The following ITGBL1 variants were observed in gnomAD, a reference collection of about 807,000 sequenced individuals.
ITGBL1 encodes integrin beta-like protein 1.
Under a neutral mutation model 68.5 loss-of-function variants are expected in ITGBL1, and 51 were observed. That is an observed-to-expected ratio of 0.74 (90% CI 0.59 to 0.94). The LOEUF is 0.94. Ranked by LOEUF, ITGBL1 falls within the 40% of genes least tolerant of loss-of-function variation. The probability of loss-of-function intolerance (pLI) is 0.00; values close to 1 mark genes in which losing one functional copy is unlikely to be tolerated. For missense variants in ITGBL1, 649 were observed against 647.4 expected (o/e 1.00, Z -0.03); for synonymous variants, 209 against 227.3 (o/e 0.92, Z 0.72).
chr13:101,660,447 A>G (rs1346097118), intron 7 of ITGBL1, among the ~76,000 whole-genome samples: 1 of 152,140 alleles, frequency 6.6e-6, no homozygotes, highest in Non-Finnish European at 1.5e-5. Flanking sequence ...ACATCTCAAA[A>G]GGCTAGTCTC....
chr13:101,519,026 C>G (rs1429820466), intron 2 of ITGBL1, among the ~76,000 whole-genome samples: 3 of 152,104 alleles, frequency 2.0e-5, no homozygotes, highest in African/African-American at 7.2e-5. Flanking sequence ...TACATGCACA[C>G]CCACATGCAG....
intron 2 of ITGBL1, among the ~76,000 whole-genome samples, chr13:101,512,926 G>A (rs9585720): frequency 0.022 from 3,346 of 152,164 alleles, 126 homozygotes; most frequent in African/African-American, 0.076. Flanking sequence ...CATTTGTGTG[G>A]CAGGAAATTC....
intron 2 of ITGBL1, among the ~76,000 whole-genome samples, chr13:101,494,534 T>C (rs144784713): frequency 3.2e-3 from 480 of 152,306 alleles, no homozygotes; most frequent in African/African-American, 0.011. Flanking sequence ...AGCTCTAACT[T>C]CAGTGACAAT....
intron 2 of ITGBL1, among the ~76,000 whole-genome samples, chr13:101,536,158 CCTTTT>C (rs2049572303): frequency 6.6e-6 from 1 of 151,664 alleles, no homozygotes; most frequent in South Asian, 2.1e-4. Flanking sequence ...TTAGAATGGC[CCTTTT>C]CTTTTAAAAG....
At chr13:101,499,908 C>A (rs2048914286) in intron 2 of ITGBL1, among the ~76,000 whole-genome samples, 1 of 152,224 alleles carries the variant, frequency 6.6e-6, no homozygotes, top group Non-Finnish European at 1.5e-5. Context: ...GCGTCAGCCT[C>A]CTTCCACTGG....
At chr13:101,520,126 G>A (rs1243388446) in intron 2 of ITGBL1, among the ~76,000 whole-genome samples, 1 of 152,130 alleles carries the variant, frequency 6.6e-6, no homozygotes, top group Non-Finnish European at 1.5e-5. Context: ...TTGTACTCAA[G>A]TTCCTGTCTT....
At chr13:101,654,791 C>T (rs2032866498) in intron 7 of ITGBL1, among the ~76,000 whole-genome samples, 1 of 152,010 alleles carries the variant, frequency 6.6e-6, no homozygotes, top group Admixed American at 6.6e-5. Context: ...TGCAACCACC[C>T]AGGGAGAAAG....
intron 7 of ITGBL1, among the ~76,000 whole-genome samples, chr13:101,661,090 A>G (rs1233384976): frequency 1.3e-5 from 2 of 151,734 alleles, no homozygotes; most frequent in Non-Finnish European, 2.9e-5. Context: ...ATTAGGAATT[A>G]ACGGATATAC....
intron 7 of ITGBL1, among the ~76,000 whole-genome samples, chr13:101,658,259 A>G (rs2032986532): frequency 6.6e-6 from 1 of 152,204 alleles, no homozygotes; most frequent in Non-Finnish European, 1.5e-5. Flanking sequence ...ATCATTTTCA[A>G]ATTGTTCCTA....
At chr13:101,704,722 G>A (rs1189762290) in intron 8 of ITGBL1, among the ~76,000 whole-genome samples, 1 of 152,200 alleles carries the variant, frequency 6.6e-6, no homozygotes, top group East Asian at 1.9e-4. Context: ...ACATTGGGAA[G>A]AGTGTAGACA....
chr13:101,634,142 CA>C (rs1487755893), intron 7 of ITGBL1, among the ~76,000 whole-genome samples: 1 of 152,130 alleles, frequency 6.6e-6, no homozygotes, highest in Non-Finnish European at 1.5e-5. Context: ...TTGGCTTTCT[CA>C]TTCAAATTCA....
chr13:101,718,189 A>C (rs1209354431), downstream of ITGBL1: 1 of 152,074 alleles, frequency 6.6e-6, no homozygotes, highest in South Asian at 2.1e-4. Context: ...GAAAACAGAA[A>C]TATTTTTACT....
chr13:101,479,967 A>G (rs897411634), intron 2 of ITGBL1, among the ~76,000 whole-genome samples: 1 of 152,144 alleles, frequency 6.6e-6, no homozygotes, highest in Non-Finnish European at 1.5e-5. Flanking sequence ...ACTGCTGGAT[A>G]CATACCGAAA....
At chr13:101,529,999 C>T (rs143224407) in intron 2 of ITGBL1, among the ~76,000 whole-genome samples, 12 of 152,180 alleles carry the variant, frequency 7.9e-5, no homozygotes, top group Admixed American at 5.2e-4. Context: ...GTATAAAAGG[C>T]GTAGACAAAC....
intron 2 of ITGBL1, among the ~76,000 whole-genome samples, chr13:101,513,524 C>T (rs1459907882): frequency 6.6e-6 from 1 of 151,832 alleles, no homozygotes; most frequent in East Asian, 1.9e-4. Context: ...AGACAAAATA[C>T]CAAAAATTTT....
chr13:101,690,313 T>G (rs2033854801), intron 7 of ITGBL1, among the ~76,000 whole-genome samples: 2 of 152,324 alleles, frequency 1.3e-5, no homozygotes, highest in South Asian at 4.1e-4. Context: ...TTAGTTCATC[T>G]TTTCTGAAGA....
intron 7 of ITGBL1, among the ~76,000 whole-genome samples, chr13:101,626,353 A>AT (rs1340167299): frequency 2.0e-5 from 3 of 152,220 alleles, no homozygotes; most frequent in African/African-American, 7.2e-5. Flanking sequence ...ACAGAAAAGA[A>AT]TGAGTTTTGT....
intron 2 of ITGBL1, among the ~76,000 whole-genome samples, chr13:101,520,899 TG>T (rs1289394581): frequency 6.6e-6 from 1 of 152,124 alleles, no homozygotes; most frequent in Non-Finnish European, 1.5e-5. Context: ...GAGAAGGAAG[TG>T]GTAATGAGTC....
chr13:101,632,510 T>A (rs1222114219), intron 7 of ITGBL1, among the ~76,000 whole-genome samples: 2 of 152,218 alleles, frequency 1.3e-5, no homozygotes, highest in Non-Finnish European at 2.9e-5. Context: ...CTCTGTGACC[T>A]AGCAATGTCA....
Sources: allele counts gnomAD v4.1 joint callset (sites outside exome capture counted in the v4.1 genomes callset), GRCh38; gene constraint gnomAD v4.1.1; transcripts MANE v1.5; gene names NCBI Gene and HGNC (gene_info 2026-07-23, HGNC 2026-07-21).